Variants in CD200 observed in about 807,000 individuals in gnomAD.
CD200 encodes OX-2 membrane glycoprotein.
A neutral mutation model predicts 30.9 loss-of-function variants in CD200; 15 were observed. The observed-to-expected ratio is 0.49, with a 90% CI of 0.32 to 0.75. The LOEUF (loss-of-function observed/expected upper bound fraction) is 0.75, where lower values mean the gene tolerates loss of function less well. CD200 is among the 30% of genes least tolerant of loss of function. The pLI, the probability that CD200 is intolerant of heterozygous loss-of-function variation, is 0.03. For missense variants in CD200, 262 were observed against 324.2 expected, an observed-to-expected ratio of 0.81 and a Z score of 1.47; for synonymous variants, 134 against 126.2, an observed-to-expected ratio of 1.06 and a Z score of -0.41.
At chr3:112,341,465 A>G (rs1267326876) in intron 2 of CD200, among the ~76,000 whole-genome samples, 2 of 152,236 alleles carry the variant, frequency 1.3e-5, no homozygotes, top group Non-Finnish European at 2.9e-5. Context: ...CCATCTACTT[A>G]TCTACCGAAG....
intron 5 of CD200, among the ~76,000 whole-genome samples, chr3:112,352,318 A>G (rs1333099844): frequency 2.6e-5 from 4 of 152,128 alleles, no homozygotes; most frequent in Non-Finnish European, 5.9e-5. Flanking sequence ...ACAAATTCTG[A>G]TTGATATTTT....
chr3:112,351,233 T>C (rs2081525556), intron 5 of CD200, among the ~76,000 whole-genome samples: 1 of 152,206 alleles, frequency 6.6e-6, no homozygotes, highest in Non-Finnish European at 1.5e-5. Flanking sequence ...GTTCTTCCTG[T>C]CATTACTGAT....
Position 112,343,641 on chromosome 3 carries a change from C to T in CD200, c.95-1321C>T, listed in dbSNP as rs181816324. On this transcript the variant is annotated intron_variant, in intron 2 of 5. Coordinates refer to ENST00000315711, the MANE Select transcript of CD200 (RefSeq NM_005944.7). ...TCCTATTTAACTTTTTTTCCTTTAACAATTGTTTAAATATATTAAATTGAA... is the reference window on the plus strand; with the variant it reads ...TCCTATTTAACTTTTTTTCCTTTAATAATTGTTTAAATATATTAAATTGAA... Among the ~76,000 whole-genome samples, 838 of 152,040 alleles carry T rather than the reference C, an allele frequency of 5.5e-3. 9 individuals carry two copies. The highest frequency in any genetic ancestry group is 9.1e-3 in the Non-Finnish European group (621 of 67,954).
chr3:112,348,250 A>G (rs776158338), intron 4 of CD200, among the ~76,000 whole-genome samples: 5 of 152,182 alleles, frequency 3.3e-5, no homozygotes, highest in Non-Finnish European at 7.4e-5. Context: ...TGAGAAAGCT[A>G]TGATGCACCA....
chr3:112,342,326 T>TTCC (rs2092429407), intron 2 of CD200, among the ~76,000 whole-genome samples: 4 of 32,192 alleles, frequency 1.2e-4, no homozygotes, highest in African/African-American at 3.4e-4. Flanking sequence ...TCTTTCTTTC[T>TTCC]TTCTTTCTTT....
At chr3:112,345,713 T>C (rs963814629) in intron 3 of CD200, among the ~76,000 whole-genome samples, 1 of 152,210 alleles carries the variant, frequency 6.6e-6, no homozygotes, top group Non-Finnish European at 1.5e-5. Flanking sequence ...TTTTTGGATC[T>C]AAGGACAGAG....
chr3:112,356,351 T>G (rs1255033665), intron 5 of CD200, among the ~76,000 whole-genome samples: 1 of 29,188 alleles, frequency 3.4e-5, no homozygotes, highest in Non-Finnish European at 7.9e-5. Flanking sequence ...GAATTTTTGT[T>G]TTTATTTTTT....
chr3:112,351,086 C>A (rs568616139), intron 5 of CD200, among the ~76,000 whole-genome samples: 17 of 152,258 alleles, frequency 1.1e-4, no homozygotes, highest in Admixed American at 2.6e-4. Flanking sequence ...CTGTTTGATT[C>A]TACTTTATCC....
intron 5 of CD200, among the ~76,000 whole-genome samples, chr3:112,356,029 A>C (rs2081617966): frequency 6.6e-6 from 1 of 152,218 alleles, no homozygotes; most frequent in Admixed American, 6.5e-5. Context: ...AAAAATCACA[A>C]CTTCAATGTT....
rs1559783582 is a variant in CD200 at position 112,342,414 on chromosome 3, TTTCTTTCTTTCTTTC to T, written c.94+1436_94+1450del. On this transcript the variant is annotated intron_variant, in intron 2 of 5. Coordinates refer to ENST00000315711, the MANE Select transcript of CD200 (RefSeq NM_005944.7). ...CTTTCTTTCTTTCTTTCTTTCTTTC[TTTCTTTCTTTCTTTC>T]TTCTCTCTCTTTCTATGAAATTTCA... is the stretch of plus-strand genomic sequence containing the variant. Among the ~76,000 whole-genome samples, 19 of 76,882 alleles carry T rather than the reference TTTCTTTCTTTCTTTC, an allele frequency of 2.5e-4. 3 individuals carry two copies. Among genetic ancestry groups the T allele is most frequent in the African/African-American group, 9.3e-4 (19 of 20,530 alleles). 50.4% of individuals were successfully genotyped at this position (76,882 alleles called of 152,430 possible).
chr3:112,345,353 A>G (rs2081360165), intron 3 of CD200, 65 bp downstream of exon 3: 12 of 1,333,562 alleles, frequency 9.0e-6, no homozygotes, highest in Non-Finnish European at 1.3e-5. Context: ...TTTGGAATAT[A>G]GCCGTAGTGC....
At chr3:112,347,419 T>G in intron 3 of CD200, 139 bp from the exon 4 acceptor site, 1 of 837,236 alleles carries the variant, frequency 1.2e-6, no homozygotes, top group Non-Finnish European at 1.9e-6. Flanking sequence ...AAGTCCCCAG[T>G]TTGGGTAGGA....
rs1449948880 is a variant in CD200 at position 112,340,934 on chromosome 3, C to A, written c.45C>A (p.Thr15=). 5 of 1,612,058 alleles carry A rather than the reference C, an allele frequency of 3.1e-6. No homozygotes were observed. Among genetic ancestry groups the A allele is most frequent in the Non-Finnish European group, 4.2e-6 (5 of 1,178,184 alleles). Residue 15 remains threonine, a synonymous_variant, in exon 2 of 6, where the codon ACC becomes ACA. Coordinates refer to ENST00000315711, the MANE Select transcript of CD200 (RefSeq NM_005944.7). The part of the protein sequence containing the change: ...VIRMPFSHLS[T]YSLVWVMAAV... Reference sequence around the variant, plus strand: ...GGATGCCCTTCTCTCATCTGTCTACCTACAGCCTGGTTTGGGTCATGGCAG... The same window carrying A: ...GGATGCCCTTCTCTCATCTGTCTACATACAGCCTGGTTTGGGTCATGGCAG...
In CD200 at chr3:112,333,385, C is replaced by T. The variant is rs955839250; in HGVS notation, c.12+161C>T. The stretch of plus-strand genomic sequence containing the variant: ...GTTGATGGCAGCGCTTTTCTCTAAG[C>T]GCTTTCTCTTGCTGAGAAACGGATT... On this transcript the variant is annotated intron_variant, in intron 1 of 5. Coordinates refer to ENST00000315711, the MANE Select transcript of CD200 (RefSeq NM_005944.7). 4.1e-6 allele frequency: 4 copies of T among 985,338 alleles called. No individual in the cohort carries two copies. In the African/African-American group the frequency reaches 7.0e-5, roughly 17 times the overall value. 61.0% of individuals were successfully genotyped at this position (985,338 alleles called of 1,614,324 possible). A position where few individuals can be genotyped will look rare whatever the true frequency, so the allele number is the denominator to read the frequency against.
chr3:112,361,227 G>A (rs1019022695), intron 5 of CD200, among the ~76,000 whole-genome samples: 15 of 150,702 alleles, frequency 1.0e-4, no homozygotes, highest in Admixed American at 6.6e-4. Context: ...TTTATTTTTT[G>A]TAGAGACAAG....
Position 112,344,020 on chromosome 3 carries a change from G to A in CD200, c.95-942G>A, listed in dbSNP as rs140103223. 3.2e-3 allele frequency among the ~76,000 whole-genome samples: 487 copies of A among 152,038 alleles called. 1 individual carries two copies. The highest frequency in any genetic ancestry group is 0.011 in the African/African-American group (462 of 41,466). ...CTTTTTACTAATTTACTCTTCAGTA[G>A]CATCTATTTTGCTAAGTCAGCCTAT... On this transcript the variant is annotated intron_variant, in intron 2 of 5. Transcript: ENST00000315711.
intron 1 of CD200, 53 bp downstream of exon 1, chr3:112,333,277 C>G (rs1371745583): frequency 2.6e-6 from 4 of 1,535,368 alleles, no homozygotes; most frequent in Admixed American, 2.0e-5. Context: ...GATGTTGAGC[C>G]GGTGGCCCTG....
At chr3:112,349,177 A>T (rs1048920644) in intron 4 of CD200, among the ~76,000 whole-genome samples, 1 of 152,230 alleles carries the variant, frequency 6.6e-6, no homozygotes, top group Admixed American at 6.5e-5. Flanking sequence ...ACTGATATTT[A>T]GGCTGAGTTG....
intron 1 of CD200, among the ~76,000 whole-genome samples, chr3:112,334,491 A>G (rs1412223854): frequency 1.3e-5 from 2 of 152,210 alleles, no homozygotes; most frequent in Non-Finnish European, 2.9e-5. Context: ...TCTCATAATA[A>G]CTATGTGAGA....
Sources: allele counts gnomAD v4.1 joint callset (sites outside exome capture counted in the v4.1 genomes callset), GRCh38; gene constraint gnomAD v4.1.1; transcripts MANE v1.5; gene names NCBI Gene and HGNC (gene_info 2026-07-23, HGNC 2026-07-21).